DMD: variants seen among roughly 807,000 people sequenced by gnomAD.
DMD encodes the protein dystrophin, also known as mutant dystrophin.
In DMD, 63 loss-of-function variants were observed where a neutral mutation model predicts 330.1. The ratio of observed to expected loss-of-function variants is 0.19; its 90% CI spans 0.16 to 0.24. DMD has a LOEUF of 0.24. DMD is among the 10% of genes least tolerant of loss of function. DMD has a pLI of 1.00. For missense variants in DMD, 3,344 were observed against 2,684.1 expected, an observed-to-expected ratio of 1.25 and a Z score of -5.43; for synonymous variants, 1,223 against 959.8, an observed-to-expected ratio of 1.27 and a Z score of -5.07.
intron 74 of DMD, among the ~76,000 whole-genome samples, chrX:31,162,517 A>G (rs1017020467): frequency 8.2e-5 from 9 of 110,206 alleles, no homozygotes; most frequent in African/African-American, 3.0e-4. Flanking sequence ...CCTCACAAAC[A>G]TCCAATTTTA....
At chrX:32,086,608 A>G (rs112980376) in intron 44 of DMD, among the ~76,000 whole-genome samples, 17 of 111,651 alleles carry the variant, frequency 1.5e-4, no homozygotes, top group African/African-American at 5.5e-4. Context: ...TGTCACTCCA[A>G]GTTTCCTTGA....
intron 44 of DMD, among the ~76,000 whole-genome samples, chrX:32,214,048 A>G (rs2097103297): frequency 9.0e-6 from 1 of 111,420 alleles, no homozygotes; most frequent in Non-Finnish European, 1.9e-5. Context: ...CACTGTCAAG[A>G]AATGAGGACC....
At chrX:32,634,846 C>A (rs761584951) in intron 11 of DMD, among the ~76,000 whole-genome samples, 4 of 111,886 alleles carry the variant, frequency 3.6e-5, no homozygotes, top group Non-Finnish European at 7.5e-5. Flanking sequence ...GCTGCCCCAG[C>A]GGATGTCTCA....
In DMD at chrX:31,574,471, G is replaced by C. The variant is rs1015726941; in HGVS notation, c.8217+53202C>G. Among the ~76,000 whole-genome samples the C allele has an allele frequency of 1.1e-4, 12 of 111,355 alleles. No individual in the cohort carries two copies. The Admixed American group carries it at 1.1e-3, about 11-fold the overall frequency. On this transcript the variant is annotated intron_variant, in intron 55 of 78. Coordinates refer to ENST00000357033, the MANE Select transcript of DMD (RefSeq NM_004006.3). ...AAGGATTATCTTTAAGTTAAACATAGAAATAAGGATGTAAAATGGAATTTA... is the reference window on the plus strand; with the variant it reads ...AAGGATTATCTTTAAGTTAAACATACAAATAAGGATGTAAAATGGAATTTA...
intron 2 of DMD, among the ~76,000 whole-genome samples, chrX:32,958,119 G>A (rs780579395): frequency 1.8e-5 from 2 of 111,589 alleles, no homozygotes; most frequent in Admixed American, 9.5e-5. Context: ...TTCAGCGTAA[G>A]AGAGAAGAGA....
intron 41 of DMD, among the ~76,000 whole-genome samples, chrX:32,325,568 T>G (rs2097646763): frequency 8.9e-6 from 1 of 111,826 alleles, no homozygotes; most frequent in South Asian, 3.7e-4. Flanking sequence ...GAAAGCATTT[T>G]GAAACAATTT....
At chrX:32,697,171 T>C (rs1280390372) in intron 9 of DMD, among the ~76,000 whole-genome samples, 1 of 111,853 alleles carries the variant, frequency 8.9e-6, no homozygotes, top group Non-Finnish European at 1.9e-5. Flanking sequence ...GCACATTTCA[T>C]TCCCACGCTG....
chrX:32,750,971 T>C (rs2070736860), intron 7 of DMD, among the ~76,000 whole-genome samples: 1 of 112,038 alleles, frequency 8.9e-6, no homozygotes, highest in Non-Finnish European at 1.9e-5. Flanking sequence ...ATGTAAGACG[T>C]GACTTGCTCT....
chrX:32,702,843 A>G (rs1342652145), intron 7 of DMD, among the ~76,000 whole-genome samples: 1 of 111,590 alleles, frequency 9.0e-6, no homozygotes, highest in African/African-American at 3.3e-5. Context: ...ATGCCTATAT[A>G]CAAAGTTATG....
rs1170744781 is a variant in DMD, at chrX:32,699,217, T to A, written c.726A>T (p.Gln242His). 4 of 1,209,651 alleles carry A rather than the reference T, an allele frequency of 3.3e-6. No individual in the cohort carries two copies. The South Asian group carries it at 7.0e-5, about 21-fold the overall frequency. Residue 242 changes from glutamine (Q) to histidine (H), a missense_variant, in exon 8 of 79, where the codon CAA becomes CAT. Physicochemically the swap from Gln to His is conservative, Grantham distance 24. Transcript: ENST00000357033. ...CTTCCTGGATGGCTTCAATGCTCAC[T>A]TGTTGAGGCAAAACTTGGAAGAGTG... ...ITSLFQVLPQ[Q>H]VSIEAIQEVE...
chrX:32,208,442 C>T (rs2097080073), intron 44 of DMD, among the ~76,000 whole-genome samples: 1 of 111,771 alleles, frequency 8.9e-6, no homozygotes, highest in Non-Finnish European at 1.9e-5. Context: ...TCTCTAATGA[C>T]AGTAAGTATC....
chrX:31,159,426 G>A (rs2148065862), intron 74 of DMD, among the ~76,000 whole-genome samples: 1 of 111,797 alleles, frequency 8.9e-6, no homozygotes, highest in South Asian at 3.8e-4. Context: ...ACAAGAAAAG[G>A]TCATATTTTA....
At chrX:32,121,945 AG>A (rs1445224434) in intron 44 of DMD, among the ~76,000 whole-genome samples, 15 of 109,992 alleles carry the variant, frequency 1.4e-4, no homozygotes, top group Non-Finnish European at 2.5e-4. Context: ...CGTGAATATG[AG>A]GGGGTAAGAG....
At chrX:32,672,297 G>A (rs2061681245) in intron 9 of DMD, among the ~76,000 whole-genome samples, 1 of 110,695 alleles carries the variant, frequency 9.0e-6, no homozygotes. Context: ...AAATGCAGTG[G>A]ATATAAAACA....
At chrX:31,625,134 T>C (rs947731692) in intron 55 of DMD, among the ~76,000 whole-genome samples, 1 of 112,337 alleles carries the variant, frequency 8.9e-6, no homozygotes, top group African/African-American at 3.2e-5. Flanking sequence ...ATAAATGTCA[T>C]TTCAATCCAT....
Position 31,592,253 on chromosome X carries a change from A to T in DMD, c.8217+35420T>A, listed in dbSNP as rs771636672. Among the ~76,000 whole-genome samples, 117 of 108,230 alleles carry T rather than the reference A, an allele frequency of 1.1e-3. 1 individual carries two copies. Among genetic ancestry groups the T allele is most frequent in the African/African-American group, 3.7e-3 (110 of 29,963 alleles). 94.0% of individuals were successfully genotyped at this position (108,230 alleles called of 115,157 possible). ...ATTAATATTGCCAAATATTAGGTAT[A>T]GTGTACTTAACAGTATGTCTAGTTA... On this transcript the variant is annotated intron_variant, in intron 55 of 78. Transcript: ENST00000357033.
At chrX:31,214,923 T>TTTC (rs2045183309) in intron 64 of DMD, among the ~76,000 whole-genome samples, 1 of 72,092 alleles carries the variant, frequency 1.4e-5, no homozygotes, top group African/African-American at 4.7e-5. Context: ...AAGATACTTT[T>TTTC]TTATTTCTTT....
chrX:31,700,108 C>G (rs1303995426), intron 52 of DMD, among the ~76,000 whole-genome samples: 1 of 109,105 alleles, frequency 9.2e-6, no homozygotes, highest in African/African-American at 3.4e-5. Flanking sequence ...ATCGCTTGAA[C>G]CCGGGCGGCA....
At chrX:33,264,467 C>T (rs2053010067) in intron 1 of DMD, among the ~76,000 whole-genome samples, 1 of 110,554 alleles carries the variant, frequency 9.0e-6, no homozygotes, top group African/African-American at 3.3e-5. Flanking sequence ...TTTTTACCGC[C>T]TAAAGTCTTG....
Sources: gnomAD v4.1 joint callset for allele counts (sites outside exome capture counted in the v4.1 genomes callset) on GRCh38, gnomAD v4.1.1 for gene constraint, MANE v1.5 for transcripts, NCBI Gene and HGNC (gene_info 2026-07-23, HGNC 2026-07-21) for gene names.